Variants in PRKCB observed in about 807,000 individuals in gnomAD.
PRKCB encodes the protein protein kinase C beta type.
PRKCB carries 13 observed loss-of-function variants against 81.5 expected under a neutral mutation model. The ratio of observed to expected loss-of-function variants is 0.16; its 90% CI spans 0.10 to 0.25. The LOEUF is 0.25. Ranked by LOEUF, PRKCB falls within the 10% of genes least tolerant of loss-of-function variation. The probability of loss-of-function intolerance (pLI) is 1.00; values close to 1 mark genes in which losing one functional copy is unlikely to be tolerated. For missense variants in PRKCB, 509 were observed against 875.7 expected, an observed-to-expected ratio of 0.58 and a Z score of 5.29; for synonymous variants, 335 against 321.4, an observed-to-expected ratio of 1.04 and a Z score of -0.45.
intron 5 of PRKCB, among the ~76,000 whole-genome samples, chr16:24,087,789 A>C (rs1238799989): frequency 6.6e-6 from 1 of 152,212 alleles, no homozygotes; most frequent in African/African-American, 2.4e-5. Context: ...CTATCTTTTT[A>C]TGGATTCAGT....
At chr16:24,166,535 A>G (rs1296918499) in intron 10 of PRKCB, among the ~76,000 whole-genome samples, 3 of 152,234 alleles carry the variant, frequency 2.0e-5, no homozygotes, top group African/African-American at 7.2e-5. Context: ...TTTCCACAAT[A>G]TACGTTAAAA....
intron 2 of PRKCB, among the ~76,000 whole-genome samples, chr16:23,955,230 GCACACA>G (rs10543098): frequency 6.7e-6 from 1 of 149,306 alleles, no homozygotes; most frequent in Non-Finnish European, 1.5e-5. Context: ...ACACACACAT[GCACACA>G]CACACACACA....
rs1478017645 is a variant in PRKCB at position 23,836,066 on chromosome 16, G to A, written c.-110G>A. On this transcript the variant is annotated 5_prime_UTR_variant, in exon 1 of 17. Coordinates refer to ENST00000643927, the MANE Select transcript of PRKCB (RefSeq NM_002738.7). Reference sequence around the variant, plus strand: ...GAGCCGGCGCAGGGGAAGCGCCCGCGGCCCCGGGTGCAGCAGCGGCCGCCG... The same window carrying A: ...GAGCCGGCGCAGGGGAAGCGCCCGCAGCCCCGGGTGCAGCAGCGGCCGCCG... 2.5e-6 allele frequency: 2 copies of A among 797,070 alleles called. No individual in the cohort carries two copies. Among genetic ancestry groups the A allele is most frequent in the African/African-American group, 3.8e-5 (2 of 52,934 alleles). 49.4% of individuals were successfully genotyped at this position (797,070 alleles called of 1,614,324 possible). A position where few individuals can be genotyped will look rare whatever the true frequency, so the allele number is the denominator to read the frequency against.
chr16:24,036,738 G>A (rs753172087), intron 5 of PRKCB, among the ~76,000 whole-genome samples: 1 of 152,188 alleles, frequency 6.6e-6, no homozygotes, highest in Admixed American at 6.5e-5. Flanking sequence ...CTGCCTCCCA[G>A]TGTGATGCTT....
chr16:24,167,740 G>A (rs1325293975), intron 10 of PRKCB, among the ~76,000 whole-genome samples: 1 of 152,146 alleles, frequency 6.6e-6, no homozygotes, highest in Non-Finnish European at 1.5e-5. Flanking sequence ...CACACAAGAT[G>A]TACCCACTGG....
At chr16:23,973,950 C>T (rs113963719) in intron 2 of PRKCB, among the ~76,000 whole-genome samples, 5 of 152,274 alleles carry the variant, frequency 3.3e-5, no homozygotes, top group African/African-American at 4.8e-5. Context: ...GGATTACAGG[C>T]GTAAGGCACT....
At chr16:24,008,951 T>C (rs569820316) in intron 3 of PRKCB, among the ~76,000 whole-genome samples, 8 of 152,350 alleles carry the variant, frequency 5.3e-5, no homozygotes, top group South Asian at 4.1e-4. Context: ...TCATCTAGTA[T>C]TTGTTTTCCT....
intron 2 of PRKCB, among the ~76,000 whole-genome samples, chr16:23,962,794 G>C (rs1596489027): frequency 6.6e-6 from 1 of 151,568 alleles, no homozygotes; most frequent in Non-Finnish European, 1.5e-5. Flanking sequence ...GGTTTTTTTG[G>C]TTACATGGAT....
At chr16:24,044,901 A>G (rs1965745670) in intron 5 of PRKCB, among the ~76,000 whole-genome samples, 1 of 152,236 alleles carries the variant, frequency 6.6e-6, no homozygotes, top group South Asian at 2.1e-4. Flanking sequence ...AGCAACAGCA[A>G]CAGACACCTC....
intron 7 of PRKCB, among the ~76,000 whole-genome samples, chr16:24,105,920 T>G (rs142149176): frequency 6.6e-6 from 1 of 152,326 alleles, no homozygotes; most frequent in African/African-American, 2.4e-5. Context: ...TTTTAATGTT[T>G]ATAGCTATAA....
intron 16 of PRKCB, among the ~76,000 whole-genome samples, chr16:24,207,113 A>G (rs1224515975): frequency 1.3e-5 from 2 of 152,172 alleles, no homozygotes; most frequent in Non-Finnish European, 2.9e-5. Context: ...AAATTTTTGT[A>G]GAGACAGGGT....
chr16:23,912,324 C>G (rs898222186), intron 2 of PRKCB, among the ~76,000 whole-genome samples: 1 of 151,950 alleles, frequency 6.6e-6, no homozygotes, highest in South Asian at 2.1e-4. Flanking sequence ...CATTGTTCCT[C>G]TCATAGTGCA....
At chr16:23,846,217 A>G (rs1962364435) in intron 2 of PRKCB, among the ~76,000 whole-genome samples, 1 of 152,206 alleles carries the variant, frequency 6.6e-6, no homozygotes, top group Non-Finnish European at 1.5e-5. Context: ...GTGTTAATAT[A>G]TCTTTAACAA....
At chr16:23,993,863 C>T (rs1964921560) in intron 3 of PRKCB, among the ~76,000 whole-genome samples, 1 of 152,102 alleles carries the variant, frequency 6.6e-6, no homozygotes, top group African/African-American at 2.4e-5. Context: ...AGGTGGGAAG[C>T]CTACTAAATT....
At chr16:24,021,349 T>TCCCTCCCTC (rs1965398793) in intron 3 of PRKCB, among the ~76,000 whole-genome samples, 1 of 29,598 alleles carries the variant, frequency 3.4e-5, no homozygotes, top group Non-Finnish European at 5.8e-5. Context: ...CTTCCTTCCT[T>TCCCTCCCTC]CCTTCCTCCT....
Position 24,096,682 on chromosome 16 carries a change from T to A in PRKCB, c.821+2385T>A, listed in dbSNP as rs1409071936. ...AAAAAAAAAAATATATATATATATA[T>A]ATATATATATATATATATATATATC... On this transcript the variant is annotated intron_variant, in intron 7 of 16. Transcript: ENST00000643927. 6.0e-4 allele frequency among the ~76,000 whole-genome samples: 56 copies of A among 93,048 alleles called. 1 individual carries two copies. Among genetic ancestry groups the A allele is most frequent in the African/African-American group, 8.1e-4 (15 of 18,484 alleles). The allele number at this position is 93,048 out of a possible 152,430, so 61.0% of individuals were successfully genotyped here. A position where few individuals can be genotyped will look rare whatever the true frequency, so the allele number is the denominator to read the frequency against.
intron 3 of PRKCB, among the ~76,000 whole-genome samples, chr16:24,026,181 G>C (rs993661769): frequency 1.2e-4 from 19 of 152,192 alleles, no homozygotes; most frequent in African/African-American, 4.1e-4. Flanking sequence ...TTCAGTCCCA[G>C]CTGCTCAGGA....
At chr16:23,858,738 T>G (rs1252799992) in intron 2 of PRKCB, among the ~76,000 whole-genome samples, 1 of 152,128 alleles carries the variant, frequency 6.6e-6, no homozygotes, top group African/African-American at 2.4e-5. Context: ...TTGAGTCACT[T>G]GGAAGGAAGA....
rs552532522 is a variant in PRKCB, at chr16:24,032,506, T to C, written c.400+259T>C. ...TGGCCTCAGCTGATGTCACGCATGT[T>C]CATAAAGCATGAACTCATGGTTCAT... On this transcript the variant is annotated intron_variant, in intron 4 of 16. Coordinates refer to ENST00000643927, the MANE Select transcript of PRKCB (RefSeq NM_002738.7). 1.8e-4 allele frequency among the ~76,000 whole-genome samples: 28 copies of C among 152,338 alleles called. No individual in the cohort carries two copies. The South Asian group carries it at 5.4e-3, about 29-fold the overall frequency.
Sources: allele counts gnomAD v4.1 joint callset (sites outside exome capture counted in the v4.1 genomes callset), GRCh38; gene constraint gnomAD v4.1.1; transcripts MANE v1.5; gene names NCBI Gene and HGNC (gene_info 2026-07-23, HGNC 2026-07-21).